Variants in PIK3C2A observed in about 807,000 individuals in gnomAD.
PIK3C2A encodes phosphatidylinositol-4-phosphate 3-kinase catalytic subunit type 2 alpha.
PIK3C2A carries 97 observed loss-of-function variants against 204.5 expected under a neutral mutation model. The observed-to-expected ratio is 0.47, with a 90% CI of 0.40 to 0.56. The LOEUF is 0.56. Ranked by LOEUF, PIK3C2A falls within the 20% of genes least tolerant of loss-of-function variation. The pLI, the probability that PIK3C2A is intolerant of heterozygous loss-of-function variation, is 0.00. For missense variants in PIK3C2A, 1,735 were observed against 1,969.2 expected (o/e 0.88, Z 2.25); for synonymous variants, 653 against 664.4 (o/e 0.98, Z 0.26).
At chr11:17,180,534 A>C (rs1411117876) in intron 1 of PIK3C2A, among the ~76,000 whole-genome samples, 1 of 151,972 alleles carries the variant, frequency 6.6e-6, no homozygotes, top group African/African-American at 2.4e-5. Context: ...AAAACAAAAA[A>C]AAAAAGGCTA....
chr11:17,120,223 T>A (rs1307630120), intron 15 of PIK3C2A, among the ~76,000 whole-genome samples: 2 of 152,080 alleles, frequency 1.3e-5, no homozygotes, highest in Non-Finnish European at 2.9e-5. Flanking sequence ...GATAATTCAG[T>A]ATAATAAAAA....
chr11:17,196,728 C>A (rs1349402890), intron 1 of PIK3C2A, among the ~76,000 whole-genome samples: 1 of 152,028 alleles, frequency 6.6e-6, no homozygotes. Flanking sequence ...GGCCACCACG[C>A]TTGACTAATT....
At chr11:17,164,442 G>C (rs1458040311) in intron 2 of PIK3C2A, among the ~76,000 whole-genome samples, 1 of 151,976 alleles carries the variant, frequency 6.6e-6, no homozygotes, top group Non-Finnish European at 1.5e-5. Context: ...GATGGGGTTT[G>C]ATTAGAGTAT....
At chr11:17,101,965 T>C (rs1352506350) in intron 24 of PIK3C2A, among the ~76,000 whole-genome samples, 2 of 152,190 alleles carry the variant, frequency 1.3e-5, no homozygotes, top group Admixed American at 6.5e-5. Flanking sequence ...AGAGAACTTA[T>C]GTATGAAATT....
chr11:17,111,321 C>T (rs1230668320), intron 21 of PIK3C2A, among the ~76,000 whole-genome samples: 2 of 152,076 alleles, frequency 1.3e-5, no homozygotes, highest in African/African-American at 2.4e-5. Flanking sequence ...TACAGTTATA[C>T]AAGATATTAC....
chr11:17,195,982 T>C (rs570549960), intron 1 of PIK3C2A, among the ~76,000 whole-genome samples: 51 of 151,856 alleles, frequency 3.4e-4, no homozygotes, highest in Non-Finnish European at 5.9e-4. Flanking sequence ...GAGCTTGCAG[T>C]GAGCCGAGAT....
intron 6 of PIK3C2A, among the ~76,000 whole-genome samples, chr11:17,146,158 C>T (rs1403333508): frequency 6.6e-6 from 1 of 151,962 alleles, no homozygotes; most frequent in Non-Finnish European, 1.5e-5. Context: ...AAATGGAAAA[C>T]ATAAATGCTT....
chr11:17,119,006 G>T (rs573108210), intron 17 of PIK3C2A, among the ~76,000 whole-genome samples: 1 of 152,206 alleles, frequency 6.6e-6, no homozygotes, highest in East Asian at 1.9e-4. Context: ...TAAAAAGTCT[G>T]AAAACTAAAA....
intron 6 of PIK3C2A, among the ~76,000 whole-genome samples, chr11:17,146,162 A>AC (rs1850238082): frequency 1.3e-5 from 2 of 152,210 alleles, no homozygotes; most frequent in Non-Finnish European, 2.9e-5. Flanking sequence ...GGAAAACATA[A>AC]ATGCTTTCAA....
intron 12 of PIK3C2A, among the ~76,000 whole-genome samples, chr11:17,131,629 A>G (rs374418833): frequency 0.011 from 1,697 of 151,940 alleles, 17 homozygotes; most frequent in Middle Eastern, 0.021. Context: ...CACCGTGTTA[A>G]CCAGGATGGT....
At chr11:17,133,663 C>T (rs1483582420) in intron 11 of PIK3C2A, among the ~76,000 whole-genome samples, 1 of 152,112 alleles carries the variant, frequency 6.6e-6, no homozygotes, top group Non-Finnish European at 1.5e-5. Flanking sequence ...TGTGGTGACT[C>T]ATGCCTGTAA....
chr11:17,178,569 C>T (rs116374140), intron 1 of PIK3C2A, among the ~76,000 whole-genome samples: 1,606 of 152,062 alleles, frequency 0.011, 21 homozygotes, highest in African/African-American at 0.036. Context: ...TATTTATTAT[C>T]TACTTTTTTT....
intron 21 of PIK3C2A, 88 bp from the exon 22 acceptor site, chr11:17,110,649 TGGGA>T: frequency 1.6e-6 from 2 of 1,233,610 alleles, no homozygotes; most frequent in Non-Finnish European, 1.1e-6. Context: ...CCCAGCACTT[TGGGA>T]GGCCAAAGTG....
intron 15 of PIK3C2A, among the ~76,000 whole-genome samples, chr11:17,121,758 T>G (rs1477405830): frequency 1.3e-5 from 2 of 152,084 alleles, no homozygotes; most frequent in Admixed American, 1.3e-4. Context: ...AGTATTGTAT[T>G]TTTCTAAAAA....
Position 17,192,819 on chromosome 11 carries a change from T to G in PIK3C2A, c.-66+15029A>C, listed in dbSNP as rs556392210. Among the ~76,000 whole-genome samples the G allele has an allele frequency of 1.5e-4, 23 of 152,366 alleles. No homozygotes were observed. In the South Asian group the frequency reaches 4.8e-3, roughly 32 times the overall value. On this transcript the variant is annotated intron_variant, in intron 1 of 32. Transcript: ENST00000691414. Reference sequence around the variant, plus strand: ...CAAATACAGTATTTGACTTTAAACATTCAGCCAATTATTATGTGGTAACTA... The same window carrying G: ...CAAATACAGTATTTGACTTTAAACAGTCAGCCAATTATTATGTGGTAACTA...
chr11:17,178,718 T>C (rs1474836388), intron 1 of PIK3C2A, among the ~76,000 whole-genome samples: 1 of 106,054 alleles, frequency 9.4e-6, no homozygotes, highest in Non-Finnish European at 1.9e-5. Flanking sequence ...TTTGAATTTT[T>C]TTTTTTTTTT....
At chr11:17,191,348 C>T (rs576889835) in intron 1 of PIK3C2A, among the ~76,000 whole-genome samples, 4 of 152,298 alleles carry the variant, frequency 2.6e-5, no homozygotes, top group African/African-American at 9.6e-5. Flanking sequence ...TGAATCCAAT[C>T]TAGAGACTGA....
chr11:17,142,384 G>A (rs1251688861), intron 8 of PIK3C2A, among the ~76,000 whole-genome samples: 2 of 152,112 alleles, frequency 1.3e-5, no homozygotes, highest in African/African-American at 2.4e-5. Context: ...GGAAGATAAG[G>A]AAGAAGCCAC....
At chr11:17,169,984 G>T (rs1851106888) in intron 1 of PIK3C2A, among the ~76,000 whole-genome samples, 178 bp from the exon 2 acceptor site, 1 of 152,160 alleles carries the variant, frequency 6.6e-6, no homozygotes. Context: ...ATACACTGTT[G>T]GGTTACAGAA....
Sources: gnomAD v4.1 joint callset for allele counts (sites outside exome capture counted in the v4.1 genomes callset) on GRCh38, gnomAD v4.1.1 for gene constraint, MANE v1.5 for transcripts, NCBI Gene and HGNC (gene_info 2026-07-23, HGNC 2026-07-21) for gene names.